Variants in ABCB11 observed in about 807,000 individuals in gnomAD.
ABCB11 encodes the protein ATP binding cassette subfamily B member 11.
A neutral mutation model predicts 148.0 loss-of-function variants in ABCB11; 95 were observed. That is an observed-to-expected ratio of 0.64 (90% CI 0.54 to 0.76). The LOEUF (loss-of-function observed/expected upper bound fraction) is 0.76, where lower values mean the gene tolerates loss of function less well. ABCB11 is among the 30% of genes least tolerant of loss of function. The pLI, the probability that ABCB11 is intolerant of heterozygous loss-of-function variation, is 0.00. For synonymous variants in ABCB11, 591 were observed against 555.4 expected, an observed-to-expected ratio of 1.06 and a Z score of -0.90; for missense variants, 1,523 against 1,617.8, an observed-to-expected ratio of 0.94 and a Z score of 1.01.
chr2:169,028,754 C>T (rs1695776022), intron 1 of ABCB11, among the ~76,000 whole-genome samples: 1 of 152,120 alleles, frequency 6.6e-6, no homozygotes, highest in Non-Finnish European at 1.5e-5. Flanking sequence ...TTGGAGCCCA[C>T]ACCCACAGAG....
At chr2:168,936,010 C>A (rs759940490) in intron 22 of ABCB11, among the ~76,000 whole-genome samples, 28 of 152,350 alleles carry the variant, frequency 1.8e-4, no homozygotes, top group Non-Finnish European at 4.1e-4. Flanking sequence ...CCTGTGTTCA[C>A]TCCGCTATTT....
rs781492309 is a variant in ABCB11 at position 168,979,853 on chromosome 2, G to A, written c.1197+13C>T. 12 of 935,474 alleles carry A rather than the reference G, an allele frequency of 1.3e-5. No individual in the cohort carries two copies. Among genetic ancestry groups the A allele is most frequent in the Non-Finnish European group, 1.9e-5 (12 of 635,904 alleles). 57.9% of individuals were successfully genotyped at this position (935,474 alleles called of 1,614,324 possible). A position where few individuals can be genotyped will look rare whatever the true frequency, so the allele number is the denominator to read the frequency against. ...CCACCTGTTAATGGCCTTTACTTTT[G>A]GCTTATACATACCCTGTCTATTGTC... On this transcript the variant is annotated intron_variant, in intron 11 of 27. Coordinates refer to ENST00000650372, the MANE Select transcript of ABCB11 (RefSeq NM_003742.4).
At position 168,936,210 on chromosome 2, in the gene ABCB11, A is replaced by G; in HGVS notation, c.2814+20T>C. 6.2e-7 allele frequency: 1 copy of G among 1,609,098 alleles called. No individual in the cohort carries two copies. Among genetic ancestry groups the G allele is most frequent in the Non-Finnish European group, 8.5e-7 (1 of 1,176,338 alleles). On this transcript the variant is annotated intron_variant, in intron 22 of 27. Coordinates refer to ENST00000650372, the MANE Select transcript of ABCB11 (RefSeq NM_003742.4). ...GCCACTCAGCCATGAGGAATGGGAAAATTAGATCTGCAAGATTACCTGTCC... is the reference window on the plus strand; with the variant it reads ...GCCACTCAGCCATGAGGAATGGGAAGATTAGATCTGCAAGATTACCTGTCC...
At chr2:169,003,418 T>C (rs1190217494) in intron 5 of ABCB11, among the ~76,000 whole-genome samples, 1 of 149,816 alleles carries the variant, frequency 6.7e-6, no homozygotes. Context: ...AAATGTAATA[T>C]ATATTACATA....
At chr2:168,985,720 C>T (rs538048428) in intron 10 of ABCB11, among the ~76,000 whole-genome samples, 20 of 152,200 alleles carry the variant, frequency 1.3e-4, no homozygotes, top group Admixed American at 1.3e-4. Context: ...CATGTTCTCA[C>T]TCATAAGTGG....
chr2:169,013,121 T>G (rs1399116873), intron 5 of ABCB11, 151 bp downstream of exon 5: 1 of 597,804 alleles, frequency 1.7e-6, no homozygotes, highest in East Asian at 2.8e-5. Flanking sequence ...TGAGGCAGAG[T>G]AATTTCTAGA....
chr2:168,980,068 A>G (rs1694084398), intron 10 of ABCB11, 89 bp from the exon 11 acceptor site: 13 of 696,064 alleles, frequency 1.9e-5, no homozygotes, highest in Non-Finnish European at 3.2e-5. Context: ...GTTAACGCAG[A>G]GAGTTATCAG....
intron 5 of ABCB11, among the ~76,000 whole-genome samples, chr2:169,004,276 T>C (rs1424557570): frequency 6.6e-6 from 1 of 152,232 alleles, no homozygotes; most frequent in Non-Finnish European, 1.5e-5. Context: ...TTCCAAACTT[T>C]TAGATTTCTC....
intron 25 of ABCB11, among the ~76,000 whole-genome samples, chr2:168,930,111 GA>G (rs1691502408): frequency 6.6e-6 from 1 of 152,086 alleles, no homozygotes; most frequent in Non-Finnish European, 1.5e-5. Flanking sequence ...GGACAGAAAA[GA>G]GAAAGAAATG....
At chr2:168,920,006 C>T (rs1691028883), downstream of ABCB11, among the ~76,000 whole-genome samples, 1 of 152,036 alleles carries the variant, frequency 6.6e-6, no homozygotes. Context: ...CCGAGTGGCT[C>T]ATGCCACCAT....
intron 21 of ABCB11, 119 bp downstream of exon 21, chr2:168,944,486 G>A (rs1692209918): frequency 8.8e-7 from 1 of 1,137,548 alleles, no homozygotes; most frequent in Non-Finnish European, 1.2e-6. Context: ...TGTGGCTTTA[G>A]GATATCCCAA....
At chr2:169,028,278 G>C (rs1440754927) in intron 1 of ABCB11, among the ~76,000 whole-genome samples, 2 of 151,966 alleles carry the variant, frequency 1.3e-5, no homozygotes, top group African/African-American at 4.8e-5. Flanking sequence ...AATGTGGCAG[G>C]GAAGGCAGAC....
At chr2:168,977,916 A>C (rs1273819906) in intron 11 of ABCB11, among the ~76,000 whole-genome samples, 1 of 152,176 alleles carries the variant, frequency 6.6e-6, no homozygotes, top group Non-Finnish European at 1.5e-5. Context: ...TTACAGTTCA[A>C]GATAAGATTT....
intron 18 of ABCB11, among the ~76,000 whole-genome samples, chr2:168,960,181 C>A (rs1055723904): frequency 1.4e-4 from 21 of 151,618 alleles, no homozygotes; most frequent in Admixed American, 1.3e-3. Context: ...TTTAGTAGGC[C>A]TAACTGTGAA....
At chr2:168,917,769 T>G (rs1206235105), downstream of ABCB11, among the ~76,000 whole-genome samples, 1 of 152,204 alleles carries the variant, frequency 6.6e-6, no homozygotes, top group Non-Finnish European at 1.5e-5. Context: ...TAGAGACAAC[T>G]GAGATTCAGA....
intron 13 of ABCB11, among the ~76,000 whole-genome samples, chr2:168,973,035 T>G (rs1481585770): frequency 6.6e-6 from 1 of 152,076 alleles, no homozygotes; most frequent in African/African-American, 2.4e-5. Context: ...TACTCATTTT[T>G]CTTAGTTTCT....
chr2:168,931,499 T>C (rs1691564675), intron 24 of ABCB11, among the ~76,000 whole-genome samples: 2 of 152,222 alleles, frequency 1.3e-5, no homozygotes, highest in African/African-American at 2.4e-5. Context: ...TTTTCAAAAA[T>C]AGGTAGAGAA....
At chr2:168,978,471 C>G (rs1558904094) in intron 11 of ABCB11, among the ~76,000 whole-genome samples, 1 of 151,878 alleles carries the variant, frequency 6.6e-6, no homozygotes, top group Admixed American at 6.6e-5. Flanking sequence ...TTAACAATCT[C>G]TCTGTACTCC....
At chr2:168,947,246 C>A (rs1692362884) in intron 19 of ABCB11, among the ~76,000 whole-genome samples, 1 of 151,736 alleles carries the variant, frequency 6.6e-6, no homozygotes, top group Non-Finnish European at 1.5e-5. Context: ...GCTCCTTATA[C>A]AGATGAGGAA....
Sources: allele counts gnomAD v4.1 joint callset (sites outside exome capture counted in the v4.1 genomes callset), GRCh38; gene constraint gnomAD v4.1.1; transcripts MANE v1.5; gene names NCBI Gene and HGNC (gene_info 2026-07-23, HGNC 2026-07-21).